ATF7: variants seen among roughly 807,000 people sequenced by gnomAD.
The protein encoded by ATF7 is cyclic AMP-dependent transcription factor ATF-7.
Under a neutral mutation model 50.4 loss-of-function variants are expected in ATF7, and 10 were observed. The observed-to-expected ratio is 0.20, with a 90% confidence interval of 0.12 to 0.34. The LOEUF (loss-of-function observed/expected upper bound fraction) is 0.34. ATF7 is among the 10% of genes least tolerant of loss of function. The probability of loss-of-function intolerance (pLI) is 1.00; values close to 1 mark genes in which losing one functional copy is unlikely to be tolerated. For synonymous variants in ATF7, 201 were observed against 226.4 expected (o/e 0.89, Z 1.01); for missense variants, 465 against 613.9 (o/e 0.76, Z 2.56).
intron 1 of ATF7, among the ~76,000 whole-genome samples, chr12:53,622,347 G>A (rs1337121191): frequency 2.0e-5 from 3 of 151,548 alleles, no homozygotes; most frequent in Admixed American, 6.6e-5. Flanking sequence ...CTGGCCGGGC[G>A]TGGTGGCTCA....
At chr12:53,599,199 A>G (rs1943284178) in intron 2 of ATF7, among the ~76,000 whole-genome samples, 1 of 151,742 alleles carries the variant, frequency 6.6e-6, no homozygotes, top group Non-Finnish European at 1.5e-5. Flanking sequence ...ATGCCTGGCT[A>G]ATTTTTAAAT....
chr12:53,545,129 G>A (rs11170590), intron 3 of ATF7, among the ~76,000 whole-genome samples: 83,401 of 151,914 alleles, frequency 0.55, 23,678 homozygotes, highest in East Asian at 0.96. Context: ...AGGTTCAAAC[G>A]AACTTCTCCT....
intron 2 of ATF7, among the ~76,000 whole-genome samples, chr12:53,587,843 A>ATATATATAT: frequency 1.9e-3 from 117 of 61,496 alleles, no homozygotes; most frequent in Admixed American, 2.7e-3. Flanking sequence ...ATATATATAT[A>ATATATATAT]TTTTTTTTTT....
chr12:53,549,757 T>C (rs1279916405), intron 3 of ATF7, among the ~76,000 whole-genome samples: 1 of 152,120 alleles, frequency 6.6e-6, no homozygotes, highest in African/African-American at 2.4e-5. Context: ...GGCTAATTTT[T>C]GTATTTTTAG....
intron 8 of ATF7, among the ~76,000 whole-genome samples, chr12:53,532,305 T>C (rs1168024742): frequency 2.0e-5 from 3 of 152,322 alleles, no homozygotes; most frequent in East Asian, 1.9e-4. Flanking sequence ...TTCACTGCCA[T>C]GGTCTATGTA....
chr12:53,525,012 A>G (rs1253093524), intron 9 of ATF7: 5 of 415,026 alleles, frequency 1.2e-5, no homozygotes, highest in Admixed American at 8.2e-5. Flanking sequence ...CTGATTATTT[A>G]TAAGACAGAC....
intron 2 of ATF7, among the ~76,000 whole-genome samples, chr12:53,565,411 G>A (rs1941391451): frequency 7.1e-6 from 1 of 141,326 alleles, no homozygotes; most frequent in South Asian, 2.2e-4. Flanking sequence ...TTTCTGCTAT[G>A]TGATTCCTAA....
chr12:53,535,437 A>C (rs766082117), intron 5 of ATF7, among the ~76,000 whole-genome samples: 4 of 152,068 alleles, frequency 2.6e-5, no homozygotes, highest in African/African-American at 4.8e-5. Flanking sequence ...AACATGAGAT[A>C]TAGATGCTCT....
At chr12:53,580,384 G>A (rs1373441793) in intron 2 of ATF7, among the ~76,000 whole-genome samples, 2 of 151,156 alleles carry the variant, frequency 1.3e-5, no homozygotes, top group East Asian at 1.9e-4. Flanking sequence ...AAAAAGATAG[G>A]CCGGGTGCGG....
chr12:53,543,436 G>C lies in ATF7; in HGVS notation c.158C>G (p.Thr53Ser), dbSNP rs766713782. The change falls in exon 4 of 12, where the codon ACT (threonine) becomes AGT (serine). Residue 53 changes from threonine (T) to serine (S), a missense_variant. Coordinates refer to ENST00000420353, the MANE Select transcript of ATF7 (RefSeq NM_006856.3). ...ACAGTTCTTCAGGAATCTAGTTGGA[G>C]TAGGCGTTTGATCTGTAGACATGAA... is the stretch of plus-strand genomic sequence containing the variant. ...DSVIIADQTP[T>S]PTRFLKNCEE... 1 of 1,595,330 alleles carries C rather than the reference G, an allele frequency of 6.3e-7. No homozygotes were observed. Among genetic ancestry groups the C allele is most frequent in the Non-Finnish European group, 8.5e-7 (1 of 1,169,786 alleles).
intron 1 of ATF7, among the ~76,000 whole-genome samples, chr12:53,608,351 C>T (rs1167343621): frequency 1.3e-5 from 2 of 151,342 alleles, no homozygotes; most frequent in African/African-American, 4.9e-5. Flanking sequence ...AGAAACAGAA[C>T]CAAGTGACAA....
chr12:53,543,258 T>C (rs2137439304), intron 4 of ATF7, 72 bp downstream of exon 4: 1 of 1,551,684 alleles, frequency 6.4e-7, no homozygotes, highest in Non-Finnish European at 8.7e-7. Context: ...TTAAGAAAAT[T>C]ATCCCAAAGC....
At chr12:53,549,937 C>T (rs1168942702) in intron 3 of ATF7, among the ~76,000 whole-genome samples, 4 of 152,082 alleles carry the variant, frequency 2.6e-5, no homozygotes, top group African/African-American at 9.6e-5. Flanking sequence ...AGACTGGTCT[C>T]GAACTCCTGA....
Position 53,594,837 on chromosome 12 carries a change from G to A in ATF7, c.48+6116C>T, listed in dbSNP as rs530997533. Reference sequence around the variant, plus strand: ...TGGGAGGTAGAGGTTGCAGTGAGCCGAGATCACACCACTGCACTCCAGCTT... The same window carrying A: ...TGGGAGGTAGAGGTTGCAGTGAGCCAAGATCACACCACTGCACTCCAGCTT... On this transcript the variant is annotated intron_variant, in intron 2 of 11. Transcript: ENST00000420353. 1.6e-4 allele frequency among the ~76,000 whole-genome samples: 24 copies of A among 147,808 alleles called. No homozygotes were observed. The South Asian group carries it at 4.9e-3, about 30-fold the overall frequency.
intron 2 of ATF7, among the ~76,000 whole-genome samples, chr12:53,587,239 C>A (rs1301446786): frequency 6.6e-6 from 1 of 151,318 alleles, no homozygotes; most frequent in Non-Finnish European, 1.5e-5. Flanking sequence ...TGGTGGTGCA[C>A]ATCTGTAGTC....
At chr12:53,522,981 T>A (rs567100935) in intron 11 of ATF7, among the ~76,000 whole-genome samples, 1 of 152,238 alleles carries the variant, frequency 6.6e-6, no homozygotes, top group East Asian at 1.9e-4. Context: ...CACATATAAA[T>A]GTAGATAATA....
chr12:53,616,442 C>T (rs943289258), intron 1 of ATF7, among the ~76,000 whole-genome samples: 9 of 151,700 alleles, frequency 5.9e-5, no homozygotes, highest in Non-Finnish European at 1.3e-4. Context: ...AGGCTGGTCT[C>T]GAACTCCAAG....
At chr12:53,610,868 C>T (rs1027503772) in intron 1 of ATF7, among the ~76,000 whole-genome samples, 12 of 152,094 alleles carry the variant, frequency 7.9e-5, no homozygotes, top group Admixed American at 5.9e-4. Context: ...CTCGCTGTCA[C>T]CCAGGCTGGA....
chr12:53,542,025 T>C (rs999590793), intron 4 of ATF7, among the ~76,000 whole-genome samples: 1 of 151,684 alleles, frequency 6.6e-6, no homozygotes, highest in Non-Finnish European at 1.5e-5. Flanking sequence ...TTTCGCCATG[T>C]TGGTCAGGCT....
Sources: gnomAD v4.1 joint callset for allele counts (sites outside exome capture counted in the v4.1 genomes callset) on GRCh38, gnomAD v4.1.1 for gene constraint, MANE v1.5 for transcripts, NCBI Gene and HGNC (gene_info 2026-07-23, HGNC 2026-07-21) for gene names.